The following EHBP1 variants were observed in gnomAD, a reference collection of about 807,000 sequenced individuals.
EHBP1 encodes the protein EH domain binding protein 1, also known as EH domain-binding protein 1.
Under a neutral mutation model 144.0 loss-of-function variants are expected in EHBP1, and 55 were observed. That is an observed-to-expected ratio of 0.38 (90% CI 0.31 to 0.48). EHBP1 has a LOEUF of 0.48. Ranked by LOEUF, EHBP1 falls within the 20% of genes least tolerant of loss-of-function variation. The pLI is 0.98. For missense variants in EHBP1, 1,200 were observed against 1,364.2 expected (o/e 0.88, Z 1.90); for synonymous variants, 469 against 472.7 (o/e 0.99, Z 0.10).
chr2:62,712,948 A>G (rs2035297180), intron 2 of EHBP1, among the ~76,000 whole-genome samples: 1 of 152,222 alleles, frequency 6.6e-6, no homozygotes, highest in Non-Finnish European at 1.5e-5. Flanking sequence ...GTATACTTTA[A>G]TTTCCTTTAA....
At chr2:62,745,452 T>TA (rs1387528217) in intron 2 of EHBP1, among the ~76,000 whole-genome samples, 1 of 151,870 alleles carries the variant, frequency 6.6e-6, no homozygotes, top group Non-Finnish European at 1.5e-5. Flanking sequence ...GAGAAAGTGA[T>TA]AAATTAGGGG....
intron 9 of EHBP1, among the ~76,000 whole-genome samples, chr2:62,873,308 A>G (rs574350653): frequency 6.6e-6 from 1 of 152,282 alleles, no homozygotes; most frequent in African/African-American, 2.4e-5. Flanking sequence ...TTTGTAACTG[A>G]GGTACCATAC....
intron 2 of EHBP1, among the ~76,000 whole-genome samples, chr2:62,736,412 T>C (rs1203134875): frequency 1.3e-5 from 2 of 151,918 alleles, no homozygotes; most frequent in East Asian, 3.9e-4. Flanking sequence ...TTAGTAGAGA[T>C]GGGGTTTTGC....
At chr2:62,761,834 C>T (rs2040792503) in intron 3 of EHBP1, among the ~76,000 whole-genome samples, 2 of 152,266 alleles carry the variant, frequency 1.3e-5, no homozygotes, top group South Asian at 4.2e-4. Context: ...TTCTCTTCTG[C>T]AACGATTTTC....
chr2:62,694,854 G>T (rs1282669092), intron 1 of EHBP1, among the ~76,000 whole-genome samples: 1 of 152,120 alleles, frequency 6.6e-6, no homozygotes, highest in African/African-American at 2.4e-5. Context: ...AGTCCCAGAG[G>T]AAAGAGCTTG....
At chr2:63,004,304 T>C (rs1018413178) in intron 19 of EHBP1, among the ~76,000 whole-genome samples, 5 of 152,040 alleles carry the variant, frequency 3.3e-5, no homozygotes, top group Non-Finnish European at 5.9e-5. Context: ...TTGTTAGTCT[T>C]ATCTTCTGGG....
chr2:62,987,397 T>G (rs2059242767), intron 15 of EHBP1, among the ~76,000 whole-genome samples: 2 of 152,198 alleles, frequency 1.3e-5, no homozygotes, highest in African/African-American at 4.8e-5. Context: ...AAAGGCATTG[T>G]ATATGCTAGT....
At chr2:63,029,963 T>C (rs1035828902) in intron 19 of EHBP1, among the ~76,000 whole-genome samples, 2 of 152,058 alleles carry the variant, frequency 1.3e-5, no homozygotes, top group Admixed American at 6.6e-5. Context: ...ACTCCTGATC[T>C]CAGGTGATCT....
chr2:63,029,854 G>A (rs758370372), intron 19 of EHBP1, among the ~76,000 whole-genome samples: 5 of 151,916 alleles, frequency 3.3e-5, no homozygotes, highest in East Asian at 1.9e-4. Flanking sequence ...TCAGCCTCCC[G>A]AGTAGCTGGG....
chr2:62,966,005 G>A (rs2058227893), intron 14 of EHBP1, among the ~76,000 whole-genome samples: 1 of 152,106 alleles, frequency 6.6e-6, no homozygotes, highest in Non-Finnish European at 1.5e-5. Context: ...ATACAAACAA[G>A]CCAAGAACAA....
chr2:62,830,195 C>CACACAT (rs1400040654), intron 6 of EHBP1, among the ~76,000 whole-genome samples: 3,806 of 115,894 alleles, frequency 0.033, 79 homozygotes, highest in Non-Finnish European at 0.045. Context: ...CACACACACA[C>CACACAT]ATATATATAC....
intron 5 of EHBP1, among the ~76,000 whole-genome samples, chr2:62,781,162 GT>G (rs1393194033): frequency 6.6e-6 from 1 of 152,070 alleles, no homozygotes; most frequent in Non-Finnish European, 1.5e-5. Flanking sequence ...AGTTTAGGAT[GT>G]TTTATGTTCC....
intron 7 of EHBP1, among the ~76,000 whole-genome samples, chr2:62,833,798 G>A (rs567196809): frequency 6.6e-6 from 1 of 152,298 alleles, no homozygotes; most frequent in East Asian, 1.9e-4. Flanking sequence ...AGCTGTCATA[G>A]GTAGTGATTC....
At chr2:63,012,960 T>C (rs984529139) in intron 19 of EHBP1, among the ~76,000 whole-genome samples, 1 of 152,076 alleles carries the variant, frequency 6.6e-6, no homozygotes, top group Non-Finnish European at 1.5e-5. Context: ...GTGAGTCTTA[T>C]GTTTAAAAAA....
rs971544588 is a variant in EHBP1, at chr2:62,875,875, G to A, written c.1185+1343G>A. ...TAACAGCAGAATAGACCAAGCTGAG[G>A]AAAGAATCTCAGAGCTTGGAGACCA... On this transcript the variant is annotated intron_variant, in intron 10 of 22. Coordinates refer to ENST00000431489, the MANE Select transcript of EHBP1 (RefSeq NM_001142616.3). Among the ~76,000 whole-genome samples the A allele has an allele frequency of 7.2e-5, 11 of 152,262 alleles. No individual in the cohort carries two copies. The South Asian group carries it at 2.3e-3, about 32-fold the overall frequency.
chr2:62,894,927 A>AAGAGAGAGAGAGAG lies in EHBP1; in HGVS notation c.1185+20411_1185+20424dup, dbSNP rs57403564. 5.8e-3 allele frequency among the ~76,000 whole-genome samples: 823 copies of AAGAGAGAGAGAGAG among 141,184 alleles called. 9 individuals are homozygous for AAGAGAGAGAGAGAG. The highest frequency in any genetic ancestry group is 0.018 in the Middle Eastern group (5 of 278). 92.6% of individuals were successfully genotyped at this position (141,184 alleles called of 152,430 possible). ...CAAGACCCTAGCAAAAACAGAAAGAAAGAGAGAGAGAGAGAGAGAGAGAGA... is the reference window on the plus strand; with the variant it reads ...CAAGACCCTAGCAAAAACAGAAAGAAAGAGAGAGAGAGAGAGAGAGAGAGAGAGAGAGAGAGAGA... On this transcript the variant is annotated intron_variant, in intron 10 of 22. Transcript: ENST00000431489.
rs1200238299 is a variant in EHBP1, at chr2:62,926,134, C to G, written c.1186-16584C>G. Among the ~76,000 whole-genome samples the G allele has an allele frequency of 2.0e-5, 3 of 152,170 alleles. No individual in the cohort carries two copies. The East Asian group carries it at 5.8e-4, about 29-fold the overall frequency. ...GTGAACTGATTTGTGACAAAGACAC[C>G]AAGGACACTCATTGGGGAAAGATAG... On this transcript the variant is annotated intron_variant, in intron 10 of 22. Coordinates refer to ENST00000431489, the MANE Select transcript of EHBP1 (RefSeq NM_001142616.3).
chr2:62,843,622 G>A (rs2152730374), intron 7 of EHBP1, among the ~76,000 whole-genome samples: 1 of 152,220 alleles, frequency 6.6e-6, no homozygotes, highest in Non-Finnish European at 1.5e-5. Flanking sequence ...TATGGCAGTT[G>A]TTTGGCTTTC....
At chr2:63,024,684 T>C (rs2153307837) in intron 19 of EHBP1, among the ~76,000 whole-genome samples, 1 of 152,282 alleles carries the variant, frequency 6.6e-6, no homozygotes, top group South Asian at 2.1e-4. Context: ...ATGCTTATTT[T>C]GAATCAAAGT....
Sources: allele counts gnomAD v4.1 joint callset (sites outside exome capture counted in the v4.1 genomes callset), GRCh38; gene constraint gnomAD v4.1.1; transcripts MANE v1.5; gene names NCBI Gene and HGNC (gene_info 2026-07-23, HGNC 2026-07-21).